Variants in GALK1 observed in about 807,000 individuals in gnomAD.
GALK1 encodes the protein galactokinase.
Under a neutral mutation model 38.6 loss-of-function variants are expected in GALK1, and 30 were observed. The observed-to-expected ratio is 0.78, with a 90% CI of 0.58 to 1.05. The LOEUF is 1.05. GALK1 is among the 50% of genes least tolerant of loss of function. The pLI is 0.00. For missense variants in GALK1, 512 were observed against 540.5 expected (o/e 0.95, Z 0.52); for synonymous variants, 240 against 233.6 (o/e 1.03, Z -0.25).
At chr17:75,760,882 C>G (rs1312503783) in intron 5 of GALK1, among the ~76,000 whole-genome samples, 1 of 152,048 alleles carries the variant, frequency 6.6e-6, no homozygotes, top group Non-Finnish European at 1.5e-5. Flanking sequence ...CCAGCCTGGG[C>G]AACTTAGCAG....
downstream of GALK1, chr17:75,755,606 GC>G: frequency 6.6e-7 from 1 of 1,519,694 alleles, no homozygotes; most frequent in South Asian, 1.1e-5. Flanking sequence ...GTGTAGACAT[GC>G]CAGCTGAGGG....
chr17:75,755,371 G>T (rs539740815), downstream of GALK1, among the ~76,000 whole-genome samples: 1 of 152,308 alleles, frequency 6.6e-6, no homozygotes, highest in South Asian at 2.1e-4. Context: ...TACCATCAGT[G>T]CTGATGCCTA....
chr17:75,754,651 G>A (rs1351487595), downstream of GALK1: 1 of 1,613,990 alleles, frequency 6.2e-7, no homozygotes, highest in Non-Finnish European at 8.5e-7. Context: ...ACCACGACCA[G>A]TGCTGCTGCC....
At chr17:75,764,636 G>A (rs1379573289) in intron 1 of GALK1, 1 of 481,396 alleles carries the variant, frequency 2.1e-6, no homozygotes, top group Admixed American at 3.1e-5. Flanking sequence ...CACGGTGGCC[G>A]GAGGCGCGGA....
intron 8 of GALK1, chr17:75,751,986 T>A: frequency 1.4e-6 from 1 of 731,342 alleles, no homozygotes; most frequent in South Asian, 1.5e-5. Context: ...ACTGGTGACA[T>A]ATGTCCACGC....
In GALK1 at chr17:75,758,055, C is replaced by T; in HGVS notation, c.*1G>A. On this transcript the variant is annotated 3_prime_UTR_variant, in exon 8 of 8. Transcript: ENST00000588479. ...TCACCGTGTGCTGTCCTGGGGGTGC[C>T]TCACAAGCACAGCACCTTGGCTCCA... is the stretch of plus-strand genomic sequence containing the variant. 1 of 1,612,762 alleles carries T rather than the reference C, an allele frequency of 6.2e-7. No homozygotes were observed. The highest frequency in any genetic ancestry group is 8.5e-7 in the Non-Finnish European group (1 of 1,179,962).
Position 75,762,763 on chromosome 17 carries a change from T to C in GALK1, c.734A>G (p.Glu245Gly). Residue 245 changes from glutamate to glycine, a missense_variant, in exon 5 of 8, where the codon GAA becomes GGA. Glu to Gly is a moderately conservative substitution (Grantham distance 98). Transcript: ENST00000588479. ...EYPVRRRQCE[E>G]VARALGKESL... Reference sequence around the variant, plus strand: ...TTCCTTGCCCAGCGCCCGGGCCACTTCTTCACATTGGCGCCGCCGCACAGG... The same window carrying C: ...TTCCTTGCCCAGCGCCCGGGCCACTCCTTCACATTGGCGCCGCCGCACAGG... 1 of 1,613,906 alleles carries C rather than the reference T, an allele frequency of 6.2e-7. No homozygotes were observed. Among genetic ancestry groups the C allele is most frequent in the Non-Finnish European group, 8.5e-7 (1 of 1,180,014 alleles).
intron 5 of GALK1, among the ~76,000 whole-genome samples, chr17:75,762,275 C>A (rs2061590529): frequency 6.6e-6 from 1 of 151,846 alleles, no homozygotes; most frequent in Non-Finnish European, 1.5e-5. Flanking sequence ...TATGATCACA[C>A]CACTACACTC....
Position 75,758,108 on chromosome 17 carries a change from G to A in GALK1, c.1127C>T (p.Ala376Val). The change falls in exon 8 of 8, where the codon GCC (alanine) becomes GTC (valine). Residue 376 changes from alanine (A) to valine (V), a missense_variant. By Grantham distance (64) the Ala-to-Val change is moderately conservative. Transcript: ENST00000588479. ...GGCTGCTTGAGAGAGGTAGAAGGTG[G>A]CAGTCCCGCCGTAGTGCTCCTGTAA... ...RHIQEHYGGT[A>V]TFYLSQAADG... 1.9e-6 allele frequency: 3 copies of A among 1,611,808 alleles called. No homozygotes were observed. Among genetic ancestry groups the A allele is most frequent in the Non-Finnish European group, 2.5e-6 (3 of 1,179,832 alleles).
downstream of GALK1, among the ~76,000 whole-genome samples, chr17:75,753,516 G>A (rs756448579): frequency 1.3e-5 from 2 of 152,274 alleles, no homozygotes; most frequent in Middle Eastern, 6.8e-3. Context: ...CGGGTCCGGG[G>A]GTCTCTCCTC....
chr17:75,753,983 C>A, downstream of GALK1: 2 of 1,189,890 alleles, frequency 1.7e-6, no homozygotes, highest in South Asian at 3.3e-5. Flanking sequence ...AGGTGACAGG[C>A]TCACCCGCCG....
Position 75,758,048 on chromosome 17 carries a change from G to A in GALK1, c.*8C>T, listed in dbSNP as rs1307902177. ...CGCACCCTCACCGTGTGCTGTCCTGGGGGTGCCTCACAAGCACAGCACCTT... is the reference window on the plus strand; with the variant it reads ...CGCACCCTCACCGTGTGCTGTCCTGAGGGTGCCTCACAAGCACAGCACCTT... On this transcript the variant is annotated 3_prime_UTR_variant, in exon 8 of 8. Transcript: ENST00000588479. The A allele has an allele frequency of 1.2e-6, 2 of 1,612,718 alleles. No homozygotes were observed. The highest frequency in any genetic ancestry group is 2.7e-5 in the African/African-American group (2 of 75,042).
rs820386 is a variant in GALK1 at position 75,763,223 on chromosome 17, G to T, written c.476-74C>A. On this transcript the variant is annotated intron_variant, in intron 3 of 7. Coordinates refer to ENST00000588479, the MANE Select transcript of GALK1 (RefSeq NM_000154.2). ...TGGCTTCAATGACACTCCAGGGAGAGTCCCTGCCACCCCCTCCATAAGGCA... is the reference window on the plus strand; with the variant it reads ...TGGCTTCAATGACACTCCAGGGAGATTCCCTGCCACCCCCTCCATAAGGCA... 0.96 allele frequency: 1,547,843 copies of T among 1,610,180 alleles called. 744,168 individuals are homozygous for T. Among genetic ancestry groups the T allele is most frequent in the East Asian group, 1 (44,778 of 44,784 alleles).
At chr17:75,754,838 G>GCCTCTCCCACTAACCCTT, downstream of GALK1, 1 of 1,613,958 alleles carries the variant, frequency 6.2e-7, no homozygotes, top group East Asian at 2.2e-5. Context: ...AGCCAACCCT[G>GCCTCTCCCACTAACCCTT]CCTCTCCCAC....
intron 8 of GALK1, chr17:75,752,022 G>A (rs1015290453): frequency 1.9e-5 from 16 of 842,932 alleles, no homozygotes; most frequent in East Asian, 7.3e-5. Flanking sequence ...TCAGGGCTCC[G>A]CAGGCGGCAA....
Position 75,758,312 on chromosome 17 carries a change from C to A in GALK1, c.1005G>T (p.Val335=), listed in dbSNP as rs1182006462. 2.5e-6 allele frequency: 4 copies of A among 1,594,026 alleles called. No individual in the cohort carries two copies. The Admixed American group carries it at 5.3e-5, about 21-fold the overall frequency. Residue 335 remains valine (V), a synonymous_variant, in exon 7 of 8, where the codon GTG becomes GTT. Transcript: ENST00000588479. The stretch of plus-strand genomic sequence containing the variant: ...TCATGCGGCTGCCATAAACCCCAGG[C>A]ACAGCAAGCGCAGCCTCCACCAGCT... ...LDQLVEAALA[V]PGVYGSRMTG... is the part of the protein sequence containing the mutation.
intron 5 of GALK1, among the ~76,000 whole-genome samples, chr17:75,761,007 G>A (rs1270345178): frequency 6.6e-6 from 1 of 152,066 alleles, no homozygotes; most frequent in Non-Finnish European, 1.5e-5. Flanking sequence ...TTCACGACCA[G>A]CCCGACCAAC....
At chr17:75,754,473 C>T, downstream of GALK1, 3 of 1,469,470 alleles carry the variant, frequency 2.0e-6, no homozygotes, top group South Asian at 3.4e-5. Context: ...TAAGCAAAAG[C>T]CACCCAGAGG....
chr17:75,756,402 C>T (rs1246474493), downstream of GALK1: 1 of 1,612,208 alleles, frequency 6.2e-7, no homozygotes, highest in Non-Finnish European at 8.5e-7. Context: ...CACTGCACTA[C>T]TGTGTGCCCC....
Sources: gnomAD v4.1 joint callset for allele counts (sites outside exome capture counted in the v4.1 genomes callset) on GRCh38, gnomAD v4.1.1 for gene constraint, MANE v1.5 for transcripts, NCBI Gene and HGNC (gene_info 2026-07-23, HGNC 2026-07-21) for gene names.